The following FBXL14 variants were observed in gnomAD, a reference collection of about 807,000 sequenced individuals.
The protein encoded by FBXL14 is F-box and leucine rich repeat protein 14.
In FBXL14, 11 loss-of-function variants were observed where a neutral mutation model predicts 24.5. That is an observed-to-expected ratio of 0.45 (90% CI 0.28 to 0.74). The LOEUF is 0.74. FBXL14 is among the 30% of genes least tolerant of loss of function. FBXL14 has a pLI of 0.12. For synonymous variants in FBXL14, 294 were observed against 240.4 expected, an observed-to-expected ratio of 1.22 and a Z score of -2.06; for missense variants, 384 against 545.6, an observed-to-expected ratio of 0.70 and a Z score of 2.95.
At chr12:1,575,607 G>A (rs897906779) in intron 1 of FBXL14, among the ~76,000 whole-genome samples, 3 of 152,150 alleles carry the variant, frequency 2.0e-5, no homozygotes, top group Admixed American at 6.5e-5. Flanking sequence ...GGGATCCTCC[G>A]AATCGGCCCT....
At chr12:1,580,998 C>T (rs2094465166) in intron 1 of FBXL14, among the ~76,000 whole-genome samples, 1 of 152,138 alleles carries the variant, frequency 6.6e-6, no homozygotes, top group South Asian at 2.1e-4. Flanking sequence ...CAGCCCAAAT[C>T]AGGAAGGACT....
Position 1,592,478 on chromosome 12 carries a change from AAGC to A in FBXL14, c.1194+392_1194+394del, listed in dbSNP as rs2094492745. On this transcript the variant is annotated intron_variant, in intron 1 of 1. Transcript: ENST00000339235. ...AGTATTCAAATGAAAGCTGAAGTGA[AAGC>A]AGACATTTTCCTCAACTCCCCAGGG... is the stretch of plus-strand genomic sequence containing the variant. Among the ~76,000 whole-genome samples the A allele has an allele frequency of 2.0e-5, 3 of 152,090 alleles. No individual in the cohort carries two copies. In the South Asian group the frequency reaches 6.2e-4, roughly 32 times the overall value.
In FBXL14 at chr12:1,569,145, C is replaced by G. The variant is rs1444000513; in HGVS notation, c.1195-2335G>C. 6.6e-6 allele frequency among the ~76,000 whole-genome samples: 1 copy of G among 152,124 alleles called. No individual in the cohort carries two copies. The highest frequency in any genetic ancestry group is 2.4e-5 in the African/African-American group (1 of 41,424). On this transcript the variant is annotated intron_variant, in intron 1 of 1. Transcript: ENST00000339235. This position sits in a 1 kb window ranked among gnomAD's most constrained non-coding sequence, Gnocchi z 4.2. ...TGGTGCACCTTTATCTCTGTACATG[C>G]AAATTTATATAATCAATGCTTGTTT...
chr12:1,577,036 A>G (rs979170217), intron 1 of FBXL14, among the ~76,000 whole-genome samples: 1 of 152,202 alleles, frequency 6.6e-6, no homozygotes, highest in African/African-American at 2.4e-5. Flanking sequence ...TGATAAAGCC[A>G]GCCACAGGCT....
chr12:1,568,588 C>G (rs1388337994), intron 1 of FBXL14, among the ~76,000 whole-genome samples: 1 of 152,038 alleles, frequency 6.6e-6, no homozygotes, highest in Non-Finnish European at 1.5e-5. Flanking sequence ...TAGATATATA[C>G]TTATGTGTAA....
chr12:1,576,181 G>A (rs921982682), intron 1 of FBXL14, among the ~76,000 whole-genome samples: 1 of 152,148 alleles, frequency 6.6e-6, no homozygotes, highest in African/African-American at 2.4e-5. Context: ...TCAAGGACCT[G>A]ATTTGGTTTG....
intron 1 of FBXL14, among the ~76,000 whole-genome samples, chr12:1,572,630 C>G (rs139609580): frequency 0.15 from 3,312 of 22,624 alleles, 117 homozygotes; most frequent in African/African-American, 0.24. Flanking sequence ...GTCGGGGAAG[C>G]GGGGGGGCAG....
At position 1,593,776 on chromosome 12, in the gene FBXL14, G is replaced by A. The variant is rs1421320538; in HGVS notation, c.291C>T (p.Leu97=). 2 of 1,614,208 alleles carry A rather than the reference G, an allele frequency of 1.2e-6. No homozygotes were observed. Among genetic ancestry groups the A allele is most frequent in the Admixed American group, 1.7e-5 (1 of 60,036 alleles). ...TGTCGGTGAGGTTGTAGCAGCCGCT[G>A]AGGTTGAGGCTCTCGATGTTGGCCA... ...QGMANIESLN[L]SGCYNLTDNG... is the part of the protein sequence containing the mutation. The change falls in exon 1 of 2, where the codon CTC becomes CTT. Residue 97 remains leucine (L), a synonymous_variant. Coordinates refer to ENST00000339235, the MANE Select transcript of FBXL14 (RefSeq NM_152441.3). This position sits in a 1 kb window ranked among gnomAD's most constrained non-coding sequence, Gnocchi z 7.4.
At position 1,593,099 on chromosome 12, in the gene FBXL14, T is replaced by C; in HGVS notation, c.968A>G (p.Asn323Ser). 6.2e-7 allele frequency: 1 copy of C among 1,613,418 alleles called. No homozygotes were observed. Among genetic ancestry groups the C allele is most frequent in the Non-Finnish European group, 8.5e-7 (1 of 1,180,008 alleles). The stretch of plus-strand genomic sequence containing the variant: ...CCCGTGCATCTGCCGCACCATGCGG[T>C]TGATGCCATCATCACTGATGTGGCA... Reference protein sequence around the residue: ...CSCHISDDGINRMVRQMHGLR... With the variant: ...CSCHISDDGISRMVRQMHGLR... The change falls in exon 1 of 2, where the codon AAC (asparagine) becomes AGC (serine). Residue 323 changes from asparagine (N) to serine (S), a missense_variant. Asn to Ser is a conservative substitution (Grantham distance 46). Coordinates refer to ENST00000339235, the MANE Select transcript of FBXL14 (RefSeq NM_152441.3). This position sits in a 1 kb window ranked among gnomAD's most constrained non-coding sequence, Gnocchi z 7.4.
chr12:1,585,692 C>T (rs991402573), intron 1 of FBXL14, among the ~76,000 whole-genome samples: 3 of 152,106 alleles, frequency 2.0e-5, no homozygotes, highest in Non-Finnish European at 4.4e-5. Context: ...GTGTGGATTA[C>T]GTAAATGGGG....
intron 1 of FBXL14, among the ~76,000 whole-genome samples, chr12:1,581,987 A>G (rs1592471932): frequency 6.6e-6 from 1 of 152,102 alleles, no homozygotes; most frequent in South Asian, 2.1e-4. Flanking sequence ...TTAGCCAGGC[A>G]TGGTGGCACG....
chr12:1,593,745 G>A lies in FBXL14; in HGVS notation c.322C>T (p.Leu108=). Residue 108 remains leucine (L), a synonymous_variant, in exon 1 of 2, where the codon CTG becomes TTG. Transcript: ENST00000339235. This position sits in a 1 kb window ranked among gnomAD's most constrained non-coding sequence, Gnocchi z 7.4. The stretch of plus-strand genomic sequence containing the variant: ...ATCTCCTGCACAAACGCGTGGCCCA[G>A]CCCGTTGTCGGTGAGGTTGTAGCAG... ...SGCYNLTDNG[L]GHAFVQEIGS... is the part of the protein sequence containing the mutation. 1.2e-6 allele frequency: 2 copies of A among 1,614,172 alleles called. No individual in the cohort carries two copies. The highest frequency in any genetic ancestry group is 1.7e-6 in the Non-Finnish European group (2 of 1,180,036).
intron 1 of FBXL14, among the ~76,000 whole-genome samples, chr12:1,576,719 A>G (rs1441626492): frequency 6.6e-6 from 1 of 151,864 alleles, no homozygotes; most frequent in Non-Finnish European, 1.5e-5. Context: ...TTTCTCTCCC[A>G]CTCAAGAAAG....
Position 1,567,056 on chromosome 12 carries a change from G to A in FBXL14, c.1195-246C>T, listed in dbSNP as rs566904320. 2.0e-4 allele frequency among the ~76,000 whole-genome samples: 30 copies of A among 152,180 alleles called. No homozygotes were observed. Among genetic ancestry groups the A allele is most frequent in the Non-Finnish European group, 2.2e-4 (15 of 68,024 alleles). ...GGTGCAAGCTCACCAAAACTCTGAG[G>A]CCTGATTGTAGACTATAGAGTAGAC... On this transcript the variant is annotated intron_variant, in intron 1 of 1. Coordinates refer to ENST00000339235, the MANE Select transcript of FBXL14 (RefSeq NM_152441.3). The surrounding 1 kb of genome is among the most constrained non-coding windows in gnomAD (Gnocchi z 4.8).
chr12:1,572,422 G>A (rs931109517), intron 1 of FBXL14, among the ~76,000 whole-genome samples: 1 of 152,232 alleles, frequency 6.6e-6, no homozygotes, highest in African/African-American at 2.4e-5. Flanking sequence ...TGCAGATAAT[G>A]TGCCCCTTTC....
Position 1,592,999 on chromosome 12 carries a change from G to C in FBXL14, c.1068C>G (p.Ser356Arg). The C allele has an allele frequency of 1.9e-6, 3 of 1,612,518 alleles. No individual in the cohort carries two copies. Among genetic ancestry groups the C allele is most frequent in the Non-Finnish European group, 2.5e-6 (3 of 1,180,028 alleles). ...CGTACAGGTCTATGCCGGTGAGTTGGCTCAGGTGCTCAGCGATCAGCTCCA... is the reference window on the plus strand; with the variant it reads ...CGTACAGGTCTATGCCGGTGAGTTGCCTCAGGTGCTCAGCGATCAGCTCCA... ...KGLELIAEHL[S>R]QLTGIDLYGC... The change falls in exon 1 of 2, where the codon AGC becomes AGG. Residue 356 changes from serine to arginine, a missense_variant. Coordinates refer to ENST00000339235, the MANE Select transcript of FBXL14 (RefSeq NM_152441.3).
At chr12:1,574,909 TAAAAAA>T (rs199878982) in intron 1 of FBXL14, 4 of 150,262 alleles carry the variant, frequency 2.7e-5, no homozygotes, top group African/African-American at 7.3e-5. Context: ...GAGCTTTTTT[TAAAAAA>T]AAAAATTATC....
Position 1,566,647 on chromosome 12 carries a change from G to T in FBXL14, c.*101C>A, listed in dbSNP as rs999000669. ...GCAGCCTCTGCCCGAGCAGTGACAG[G>T]CAGGGAAACCTGAGCTGTCATCACC... On this transcript the variant is annotated 3_prime_UTR_variant, in exon 2 of 2. Coordinates refer to ENST00000339235, the MANE Select transcript of FBXL14 (RefSeq NM_152441.3). 52 of 746,512 alleles carry T rather than the reference G, an allele frequency of 7.0e-5. No individual in the cohort carries two copies. Among genetic ancestry groups the T allele is most frequent in the Non-Finnish European group, 1.1e-4 (44 of 399,000 alleles). The allele number at this position is 746,512 out of a possible 1,614,324, so 46.2% of individuals were successfully genotyped here. A position where few individuals can be genotyped will look rare whatever the true frequency, so the allele number is the denominator to read the frequency against.
rs1458595113 is a variant in FBXL14 at position 1,593,224 on chromosome 12, G to A, written c.843C>T (p.Leu281=). Residue 281 remains leucine (L), a synonymous_variant, in exon 1 of 2, where the codon CTC becomes CTT. Transcript: ENST00000339235. The surrounding 1 kb of genome is among the most constrained non-coding windows in gnomAD (Gnocchi z 7.4). ...IMHLAMGSLR[L]SGLDVSFCDK... ...CACAGAACGAAACATCCAGCCCCGA[G>A]AGGCGCAGGCTGCCCATGGCCAGAT... 6.2e-7 allele frequency: 1 copy of A among 1,612,890 alleles called. No individual in the cohort carries two copies.
Sources: allele counts gnomAD v4.1 joint callset (sites outside exome capture counted in the v4.1 genomes callset), GRCh38; gene constraint gnomAD v4.1.1; non-coding constraint Gnocchi (gnomAD v3.1); transcripts MANE v1.5; gene names NCBI Gene and HGNC (gene_info 2026-07-23, HGNC 2026-07-21).